Variants in DDR2 observed in about 807,000 individuals in gnomAD.
DDR2 encodes discoidin domain-containing receptor 2.
DDR2 carries 27 observed loss-of-function variants against 94.9 expected under a neutral mutation model. That is an observed-to-expected ratio of 0.28 (90% CI 0.21 to 0.39). The LOEUF is 0.39. Ranked by LOEUF, DDR2 falls within the 10% of genes least tolerant of loss-of-function variation. The pLI is 1.00. For missense variants in DDR2, 783 were observed against 1,076.0 expected (o/e 0.73, Z 3.81); for synonymous variants, 382 against 377.2 (o/e 1.01, Z -0.15).
intron 2 of DDR2, among the ~76,000 whole-genome samples, chr1:162,658,566 C>T (rs1029420323): frequency 2.0e-5 from 3 of 150,662 alleles, no homozygotes; most frequent in African/African-American, 4.9e-5. Flanking sequence ...CAATGGCTCA[C>T]GTCTGTAGTC....
At chr1:162,689,880 G>A (rs1659887027) in intron 2 of DDR2, among the ~76,000 whole-genome samples, 1 of 115,804 alleles carries the variant, frequency 8.6e-6, no homozygotes, top group Non-Finnish European at 1.9e-5. Context: ...GCCAGGTGTG[G>A]TGGTGCATGC....
intron 1 of DDR2, among the ~76,000 whole-genome samples, chr1:162,639,873 G>A (rs918913951): frequency 6.6e-6 from 1 of 152,156 alleles, no homozygotes; most frequent in Non-Finnish European, 1.5e-5. Context: ...TAGTTGCCAG[G>A]AATTAGGGGT....
chr1:162,755,927 C>G (rs1224349329), intron 7 of DDR2, among the ~76,000 whole-genome samples, 158 bp downstream of exon 7: 1 of 152,194 alleles, frequency 6.6e-6, no homozygotes, highest in Admixed American at 6.5e-5. Flanking sequence ...ATACACATGA[C>G]CTTTATTTCC....
At chr1:162,679,045 CT>C (rs536038823) in intron 2 of DDR2, among the ~76,000 whole-genome samples, 333 of 144,442 alleles carry the variant, frequency 2.3e-3, no homozygotes, top group Middle Eastern at 0.011. Flanking sequence ...CTCACTAGCT[CT>C]TTTTTTTTTT....
intron 11 of DDR2, among the ~76,000 whole-genome samples, chr1:162,769,470 C>T (rs986546355): frequency 1.4e-4 from 21 of 152,180 alleles, no homozygotes; most frequent in African/African-American, 4.8e-4. Context: ...TGAGTACCTA[C>T]TTTGTTCTGA....
chr1:162,671,151 C>T (rs1259946054), intron 2 of DDR2, among the ~76,000 whole-genome samples: 4 of 152,146 alleles, frequency 2.6e-5, no homozygotes, highest in Non-Finnish European at 2.9e-5. Context: ...TGAGGGCTGC[C>T]CCTGAGGAGC....
intron 3 of DDR2, among the ~76,000 whole-genome samples, chr1:162,745,416 G>GTT (rs962736981): frequency 6.6e-6 from 1 of 151,944 alleles, no homozygotes; most frequent in Non-Finnish European, 1.5e-5. Context: ...TTAGACCAAT[G>GTT]TTTTTTTCAT....
intron 2 of DDR2, among the ~76,000 whole-genome samples, chr1:162,688,909 CA>C (rs1242490993): frequency 6.6e-6 from 1 of 152,194 alleles, no homozygotes; most frequent in Non-Finnish European, 1.5e-5. Flanking sequence ...AGACCCTTGT[CA>C]GGGGGCTCAT....
chr1:162,688,555 G>A (rs1659801472), intron 2 of DDR2, among the ~76,000 whole-genome samples: 1 of 152,200 alleles, frequency 6.6e-6, no homozygotes, highest in South Asian at 2.1e-4. Flanking sequence ...GCACTTCACT[G>A]AACCTATAAA....
intron 3 of DDR2, among the ~76,000 whole-genome samples, chr1:162,735,560 G>A (rs996501796): frequency 6.6e-6 from 1 of 152,116 alleles, no homozygotes; most frequent in African/African-American, 2.4e-5. Flanking sequence ...CATATTTTGA[G>A]GATCACAGCT....
chr1:162,725,998 C>T (rs1374140321), intron 3 of DDR2, among the ~76,000 whole-genome samples: 2 of 152,208 alleles, frequency 1.3e-5, no homozygotes, highest in Non-Finnish European at 2.9e-5. Context: ...TATTAGCAGA[C>T]CTAACCAGGC....
intron 1 of DDR2, among the ~76,000 whole-genome samples, chr1:162,638,591 T>G (rs911109546): frequency 5.9e-5 from 9 of 152,200 alleles, no homozygotes; most frequent in Non-Finnish European, 1.3e-4. Flanking sequence ...AATCGCACTT[T>G]GGAAGTCCTT....
At chr1:162,728,010 A>C (rs1030746717) in intron 3 of DDR2, among the ~76,000 whole-genome samples, 1 of 142,724 alleles carries the variant, frequency 7.0e-6, no homozygotes, top group Non-Finnish European at 1.5e-5. Flanking sequence ...CTATATATAT[A>C]TAGATATAAT....
chr1:162,775,561 T>C (rs779249559), intron 14 of DDR2, 91 bp from the exon 15 acceptor site: 81 of 1,376,998 alleles, frequency 5.9e-5, no homozygotes, highest in Non-Finnish European at 8.0e-5. Flanking sequence ...TTTGGCATAA[T>C]GTCCAGGAAT....
At chr1:162,699,673 A>C (rs1299294443) in intron 2 of DDR2, among the ~76,000 whole-genome samples, 1 of 152,216 alleles carries the variant, frequency 6.6e-6, no homozygotes. Context: ...CAAAATATAG[A>C]ATATCTTCGA....
In DDR2 at chr1:162,775,835, C is replaced by T. The variant is rs1437987748; in HGVS notation, c.2040C>T (p.Arg680=). Residue 680 remains arginine, a synonymous_variant, in exon 15 of 18, where the codon CGC becomes CGT. Coordinates refer to ENST00000367921, the MANE Select transcript of DDR2 (RefSeq NM_006182.4). ...CTAATTCTTCCTCCAGCGATGTACG[C>T]ACTGTCAGGTAAACAAGCCAGGTCT... The part of the protein sequence containing the change: ...EPPNSSSSDV[R]TVSYTNLKFM... 2.5e-6 allele frequency: 4 copies of T among 1,613,874 alleles called. No individual in the cohort carries two copies. Among genetic ancestry groups the T allele is most frequent in the African/African-American group, 1.3e-5 (1 of 74,916 alleles).
chr1:162,642,314 C>T (rs1214709046), intron 1 of DDR2, among the ~76,000 whole-genome samples: 1 of 149,362 alleles, frequency 6.7e-6, no homozygotes, highest in Non-Finnish European at 1.5e-5. Context: ...CTCTTGTTTC[C>T]CAGGCTGGAG....
At chr1:162,653,541 C>T (rs6671013) in intron 1 of DDR2, among the ~76,000 whole-genome samples, 138,666 of 151,536 alleles carry the variant, frequency 0.92, 64,030 homozygotes, top group Middle Eastern at 0.98. Flanking sequence ...ATGGATCGTG[C>T]CACTGCACTC....
intron 3 of DDR2, among the ~76,000 whole-genome samples, chr1:162,742,920 C>A (rs1662681247): frequency 6.6e-6 from 1 of 152,088 alleles, no homozygotes; most frequent in Non-Finnish European, 1.5e-5. Context: ...TTCACTATTA[C>A]AAGGATAGCA....
Sources: allele counts gnomAD v4.1 joint callset (sites outside exome capture counted in the v4.1 genomes callset), GRCh38; gene constraint gnomAD v4.1.1; transcripts MANE v1.5; gene names NCBI Gene and HGNC (gene_info 2026-07-23, HGNC 2026-07-21).